The following CD200 variants were observed in gnomAD, a reference collection of about 807,000 sequenced individuals.
CD200 encodes OX-2 membrane glycoprotein.
CD200 carries 15 observed loss-of-function variants against 30.9 expected under a neutral mutation model. That is an observed-to-expected ratio of 0.49 (90% CI 0.32 to 0.75). The LOEUF is 0.75. CD200 is among the 30% of genes least tolerant of loss of function. CD200 has a pLI of 0.03. For missense variants in CD200, 262 were observed against 324.2 expected (o/e 0.81, Z 1.47); for synonymous variants, 134 against 126.2 (o/e 1.06, Z -0.41).
At chr3:112,333,589 G>A (rs182047183) in intron 1 of CD200, 951 of 985,460 alleles carry the variant, frequency 9.7e-4, no homozygotes, top group Non-Finnish European at 1.1e-3. Context: ...CAAAACTGGG[G>A]AGGCACAGCC....
chr3:112,344,964 C>G lies in CD200; in HGVS notation c.97C>G (p.Gln33Glu), dbSNP rs1320720880. 9.3e-6 allele frequency: 15 copies of G among 1,605,872 alleles called. No homozygotes were observed. Among genetic ancestry groups the G allele is most frequent in the Non-Finnish European group, 1.3e-5 (15 of 1,174,532 alleles). ...AAVVLCTAQVQVVTQDEREQL... is the reference protein window; with the variant it reads ...AAVVLCTAQVEVVTQDEREQL... ...AATGTTCTTTTATGATTCCATAGTG[C>G]AAGTGGTGACCCAGGATGAAAGAGA... Residue 33 changes from glutamine (Q) to glutamate (E), a missense_variant and splice_region_variant, in exon 3 of 6, where the codon CAA becomes GAA. Gln to Glu is a conservative substitution (Grantham distance 29, BLOSUM62 2). Transcript: ENST00000315711.
intron 5 of CD200, among the ~76,000 whole-genome samples, chr3:112,354,435 A>G (rs1284326908): frequency 1.3e-5 from 2 of 152,176 alleles, no homozygotes; most frequent in African/African-American, 4.8e-5. Flanking sequence ...TCCTTTACCT[A>G]GTGTCTATTA....
At chr3:112,342,033 T>C (rs1417845495) in intron 2 of CD200, among the ~76,000 whole-genome samples, 2 of 152,016 alleles carry the variant, frequency 1.3e-5, no homozygotes, top group Non-Finnish European at 2.9e-5. Context: ...TCAGCCTTCT[T>C]TTTTTTTCTA....
At chr3:112,342,332 T>C (rs1205723516) in intron 2 of CD200, among the ~76,000 whole-genome samples, 379 of 19,560 alleles carry the variant, frequency 0.019, 16 homozygotes, top group Non-Finnish European at 0.023. Context: ...TTTCTTTCTT[T>C]CTTTCCTTCT....
chr3:112,352,221 C>A lies in CD200; in HGVS notation c.802+2402C>A, dbSNP rs115171261. 6.7e-3 allele frequency among the ~76,000 whole-genome samples: 1,020 copies of A among 152,232 alleles called. 10 individuals carry two copies. The highest frequency in any genetic ancestry group is 0.023 in the African/African-American group (947 of 41,542). ...AAAATACTGGTTCATTTAGACCAAA[C>A]TTCAGGTTATACAAAAAGTTGGGAC... On this transcript the variant is annotated intron_variant, in intron 5 of 5. Transcript: ENST00000315711.
At chr3:112,348,113 G>A (rs1260525777) in intron 4 of CD200, among the ~76,000 whole-genome samples, 2 of 152,104 alleles carry the variant, frequency 1.3e-5, no homozygotes, top group East Asian at 3.8e-4. Context: ...GGTCTGTTCT[G>A]GGCCAGACTT....
At chr3:112,353,323 G>T in intron 5 of CD200, among the ~76,000 whole-genome samples, 1 of 151,904 alleles carries the variant, frequency 6.6e-6, no homozygotes, top group East Asian at 1.9e-4. Flanking sequence ...GCTTTGCTTT[G>T]GTTTGGTTGA....
chr3:112,345,615 A>G (rs2081368664), intron 3 of CD200, among the ~76,000 whole-genome samples: 1 of 152,178 alleles, frequency 6.6e-6, no homozygotes, highest in African/African-American at 2.4e-5. Context: ...GCGACCCTAG[A>G]AGGGTCCTAT....
chr3:112,340,326 G>A (rs1432578688), intron 1 of CD200, among the ~76,000 whole-genome samples: 1 of 152,122 alleles, frequency 6.6e-6, no homozygotes, highest in Non-Finnish European at 1.5e-5. Context: ...TTTATAAGAA[G>A]GCCGAGGATT....
At chr3:112,356,551 C>T (rs541277825) in intron 5 of CD200, among the ~76,000 whole-genome samples, 7 of 152,112 alleles carry the variant, frequency 4.6e-5, no homozygotes, top group Admixed American at 2.0e-4. Context: ...TGTTATTAAC[C>T]GTAGTCACCA....
intron 5 of CD200, among the ~76,000 whole-genome samples, chr3:112,355,760 A>T (rs2081612500): frequency 6.6e-6 from 1 of 152,190 alleles, no homozygotes; most frequent in Non-Finnish European, 1.5e-5. Context: ...TCAGCAGCCC[A>T]GATGCAGTAG....
chr3:112,360,927 G>A (rs958295473), intron 5 of CD200, among the ~76,000 whole-genome samples: 1 of 152,174 alleles, frequency 6.6e-6, no homozygotes, highest in African/African-American at 2.4e-5. Flanking sequence ...TGGAATTTTT[G>A]AACATATTCC....
At chr3:112,347,157 G>A (rs2081415462) in intron 3 of CD200, among the ~76,000 whole-genome samples, 1 of 152,220 alleles carries the variant, frequency 6.6e-6, no homozygotes, top group South Asian at 2.1e-4. Context: ...GGCAGTGCTG[G>A]TTGGTGGTTA....
At chr3:112,345,372 T>C (rs1468499842) in intron 3 of CD200, 84 bp downstream of exon 3, 3 of 1,118,102 alleles carry the variant, frequency 2.7e-6, no homozygotes, top group African/African-American at 3.1e-5. Context: ...GCCCAGTTTT[T>C]CAGGATTTTA....
chr3:112,347,735 A>G lies in CD200; in HGVS notation c.599A>G (p.His200Arg), dbSNP rs762823910. ...NGTTSVTSIL[H>R]IKDPKNQVGK... Reference sequence around the variant, plus strand: ...ACCACGTCTGTTACCAGCATCCTCCATATCAAAGACCCTAAGAATCAGGTG... The same window carrying G: ...ACCACGTCTGTTACCAGCATCCTCCGTATCAAAGACCCTAAGAATCAGGTG... Residue 200 changes from histidine to arginine, a missense_variant, in exon 4 of 6, where the codon CAT becomes CGT. Physicochemically the swap from His to Arg is conservative, Grantham distance 29 (BLOSUM62 0). Coordinates refer to ENST00000315711, the MANE Select transcript of CD200 (RefSeq NM_005944.7). 1.9e-6 allele frequency: 3 copies of G among 1,613,822 alleles called. No individual in the cohort carries two copies. Among genetic ancestry groups the G allele is most frequent in the Non-Finnish European group, 2.5e-6 (3 of 1,179,912 alleles).
intron 3 of CD200, 34 bp downstream of exon 3, chr3:112,345,322 G>C: frequency 6.5e-7 from 1 of 1,532,700 alleles, no homozygotes; most frequent in Non-Finnish European, 9.0e-7. Context: ...TCTGTGTCTG[G>C]AAATACTATT....
At chr3:112,343,446 A>G (rs1369791781) in intron 2 of CD200, among the ~76,000 whole-genome samples, 2 of 151,906 alleles carry the variant, frequency 1.3e-5, no homozygotes, top group African/African-American at 4.8e-5. Flanking sequence ...CAGGACTACA[A>G]GTACATGACG....
chr3:112,333,853 C>G, intron 1 of CD200: 1 of 985,350 alleles, frequency 1.0e-6, no homozygotes, highest in Non-Finnish European at 1.2e-6. Context: ...GGGTTAACCC[C>G]GGGTATCTAG....
At position 112,340,601 on chromosome 3, in the gene CD200, C is replaced by T. The variant is rs1406627229; in HGVS notation, c.13-301C>T. On this transcript the variant is annotated intron_variant, in intron 1 of 5. Transcript: ENST00000315711. ...TATTTATTTAAGCCAGTTTGTTTTC[C>T]CCAGTGATCCTATGTCTTTGAGACC... Among the ~76,000 whole-genome samples the T allele has an allele frequency of 3.9e-5, 6 of 152,198 alleles. 1 individual carries two copies. Among genetic ancestry groups the T allele is most frequent in the South Asian group, 2.1e-4 (1 of 4,822 alleles).
Sources: allele counts gnomAD v4.1 joint callset (sites outside exome capture counted in the v4.1 genomes callset), GRCh38; gene constraint gnomAD v4.1.1; transcripts MANE v1.5; gene names NCBI Gene and HGNC (gene_info 2026-07-23, HGNC 2026-07-21).